The following SERPINE3 variants were observed in gnomAD, a reference collection of about 807,000 sequenced individuals.
SERPINE3 encodes serpin family E member 3, also known as serpin E3.
Under a neutral mutation model 41.7 loss-of-function variants are expected in SERPINE3, and 43 were observed. That is an observed-to-expected ratio of 1.03 (90% CI 0.81 to 1.33). SERPINE3 has a LOEUF of 1.33. Among genes scored for constraint, SERPINE3 ranks in the 40% most tolerant of loss-of-function variants. SERPINE3 has a pLI of 0.00. For synonymous variants in SERPINE3, 200 were observed against 192.2 expected (o/e 1.04, Z -0.34); for missense variants, 440 against 491.7 (o/e 0.89, Z 0.99).
chr13:51,355,231 C>A (rs2137805733), intron 7 of SERPINE3, 88 bp downstream of exon 7: 1 of 515,236 alleles, frequency 1.9e-6, no homozygotes, highest in Non-Finnish European at 3.4e-6. Context: ...ATTTCAGAGT[C>A]AACATTATGT....
intron 1 of SERPINE3, 38 bp from the exon 2 acceptor site, chr13:51,340,746 C>T (rs986890426): frequency 3.0e-6 from 1 of 334,314 alleles, no homozygotes; most frequent in Middle Eastern, 8.6e-4. Flanking sequence ...TCTTACATTT[C>T]TTTTCCCAAC....
intron 7 of SERPINE3, among the ~76,000 whole-genome samples, chr13:51,357,999 T>C (rs1348299316): frequency 1.3e-5 from 2 of 152,174 alleles, no homozygotes; most frequent in Non-Finnish European, 2.9e-5. Context: ...TAAGTTAACT[T>C]ATGCCACACC....
intron 6 of SERPINE3, among the ~76,000 whole-genome samples, chr13:51,353,771 T>C (rs1399102212): frequency 6.6e-6 from 1 of 152,222 alleles, no homozygotes; most frequent in Non-Finnish European, 1.5e-5. Flanking sequence ...CTGTCTTGTA[T>C]AGCAATGAAG....
chr13:51,341,395 TCA>T, intron 3 of SERPINE3, 48 bp downstream of exon 3: 2 of 1,505,598 alleles, frequency 1.3e-6, no homozygotes, highest in Non-Finnish European at 1.8e-6. Context: ...CTGTTCACAC[TCA>T]CACTCTCTCC....
chr13:51,357,710 G>A (rs1955502704), intron 7 of SERPINE3, among the ~76,000 whole-genome samples: 2 of 151,916 alleles, frequency 1.3e-5, no homozygotes, highest in Non-Finnish European at 2.9e-5. Context: ...CAGCTTTTAA[G>A]AGTAATTCCA....
In SERPINE3 at chr13:51,361,894, GTATTACAGTA is replaced by G; in HGVS notation, c.1171+3_1171+12del. 2 of 1,611,478 alleles carry G rather than the reference GTATTACAGTA, an allele frequency of 1.2e-6. No homozygotes were observed. The highest frequency in any genetic ancestry group is 1.7e-6 in the Non-Finnish European group (2 of 1,178,412). On this transcript the variant is annotated splice_donor_variant and splice_donor_5th_base_variant and intron_variant, in intron 9 of 9. Transcript: ENST00000681248. LOFTEE classifies it high-confidence loss of function. ...TATTTCCTGAGAGAACCTAACACAGGTATTACAGTATTTTTTGACAGGATTCAGATAATTT... is the reference window on the plus strand; with the variant it reads ...TATTTCCTGAGAGAACCTAACACAGGTTTTTTGACAGGATTCAGATAATTT...
intron 9 of SERPINE3, 114 bp downstream of exon 9, chr13:51,362,007 T>C (rs1464480699): frequency 6.2e-7 from 1 of 1,609,336 alleles, no homozygotes; most frequent in African/African-American, 1.3e-5. Context: ...GCTGTTTTTA[T>C]GGTGCTTCAG....
intron 6 of SERPINE3, chr13:51,354,048 C>G (rs898153915): frequency 5.9e-5 from 9 of 152,150 alleles, no homozygotes; most frequent in Non-Finnish European, 1.2e-4. Flanking sequence ...TCCCACTGTG[C>G]TCCAAAGGCA....
intron 2 of SERPINE3, 103 bp from the exon 3 acceptor site, chr13:51,340,972 A>G (rs1955283478): frequency 8.5e-7 from 1 of 1,171,390 alleles, no homozygotes; most frequent in Non-Finnish European, 1.2e-6. Flanking sequence ...AGCCGTCCCT[A>G]GCCCCTAAAA....
chr13:51,349,793 T>C (rs1181223933), intron 6 of SERPINE3, among the ~76,000 whole-genome samples: 1 of 152,218 alleles, frequency 6.6e-6, no homozygotes, highest in Non-Finnish European at 1.5e-5. Flanking sequence ...ACACAACTAT[T>C]AGTTAGCACT....
intron 8 of SERPINE3, 132 bp downstream of exon 8, chr13:51,361,496 AG>A (rs1161855762): frequency 1.5e-6 from 1 of 664,776 alleles, no homozygotes; most frequent in Non-Finnish European, 2.6e-6. Context: ...TTTTTTAAAA[AG>A]GAACACTAAA....
intron 6 of SERPINE3, 130 bp downstream of exon 6, chr13:51,348,541 A>G (rs1449196008): frequency 7.2e-6 from 5 of 692,984 alleles, no homozygotes; most frequent in Non-Finnish European, 1.2e-5. Context: ...ATGTATCCCC[A>G]GAAGTTAGAC....
At chr13:51,343,983 T>A (rs1955319322) in intron 3 of SERPINE3, among the ~76,000 whole-genome samples, 2 of 152,254 alleles carry the variant, frequency 1.3e-5, no homozygotes, top group South Asian at 2.1e-4. Context: ...ATCTACTGGA[T>A]GTTGGTAGTG....
At chr13:51,346,907 A>G (rs1181939581) in intron 4 of SERPINE3, 118 bp from the exon 5 acceptor site, 2 of 691,424 alleles carry the variant, frequency 2.9e-6, no homozygotes, top group South Asian at 3.4e-5. Context: ...GACCACCTTA[A>G]GCAAAAAGAC....
chr13:51,362,093 T>G, intron 9 of SERPINE3, 200 bp downstream of exon 9: 1 of 1,508,872 alleles, frequency 6.6e-7, no homozygotes, highest in Non-Finnish European at 8.8e-7. Context: ...ATCCTCCATG[T>G]TTTTTACCTT....
At chr13:51,348,128 T>C (rs892356790) in intron 5 of SERPINE3, 85 bp from the exon 6 acceptor site, 60 of 1,071,654 alleles carry the variant, frequency 5.6e-5, no homozygotes, top group Non-Finnish European at 8.2e-5. Context: ...TCCAGTCCTC[T>C]GAGCCAGCCT....
Position 51,348,300 on chromosome 13 carries a change from C to T in SERPINE3, c.788C>T (p.Pro263Leu), listed in dbSNP as rs1955370839. 6.2e-7 allele frequency: 1 copy of T among 1,612,944 alleles called. No homozygotes were observed. Among genetic ancestry groups the T allele is most frequent in the Non-Finnish European group, 8.5e-7 (1 of 1,179,574 alleles). The change falls in exon 6 of 10, where the codon CCC (proline) becomes CTC (leucine). Residue 263 changes from proline to leucine, a missense_variant. Transcript: ENST00000681248. ...GCAGTGAGTCTGTTCCTGGTGCTGCCCCGTGACAAAGACACCCCCCTGAGC... is the reference window on the plus strand; with the variant it reads ...GCAGTGAGTCTGTTCCTGGTGCTGCTCCGTGACAAAGACACCCCCCTGAGC... Reference protein sequence around the residue: ...GSAVSLFLVLPRDKDTPLSHI... With the variant: ...GSAVSLFLVLLRDKDTPLSHI...
chr13:51,361,505 A>G (rs1955574153), intron 8 of SERPINE3, 141 bp downstream of exon 8: 1 of 637,988 alleles, frequency 1.6e-6, no homozygotes, highest in African/African-American at 1.9e-5. Context: ...AAGGAACACT[A>G]AAGAAAACAA....
chr13:51,346,905 T>A, intron 4 of SERPINE3, 120 bp from the exon 5 acceptor site: 3 of 685,078 alleles, frequency 4.4e-6, no homozygotes, highest in Non-Finnish European at 7.7e-6. Context: ...GAGACCACCT[T>A]AAGCAAAAAG....
Sources: gnomAD v4.1 joint callset for allele counts (sites outside exome capture counted in the v4.1 genomes callset) on GRCh38, gnomAD v4.1.1 for gene constraint, MANE v1.5 for transcripts, NCBI Gene and HGNC (gene_info 2026-07-23, HGNC 2026-07-21) for gene names.